The following CDKL5 variants were observed in gnomAD, a reference collection of about 807,000 sequenced individuals.
CDKL5 encodes the protein cyclin-dependent kinase-like 5.
In CDKL5, 8 loss-of-function variants were observed where a neutral mutation model predicts 61.7. The ratio of observed to expected loss-of-function variants is 0.13; its 90% CI spans 0.08 to 0.23. The LOEUF is 0.23. Among genes scored for constraint, CDKL5 ranks in the 10% least tolerant of loss-of-function variants. The pLI is 1.00. For missense variants in CDKL5, 440 were observed against 734.5 expected, an observed-to-expected ratio of 0.60 and a Z score of 4.63; for synonymous variants, 275 against 272.3, an observed-to-expected ratio of 1.01 and a Z score of -0.10.
At chrX:18,536,438 T>G (rs1433395094) in intron 3 of CDKL5, among the ~76,000 whole-genome samples, 5 of 62,555 alleles carry the variant, frequency 8.0e-5, no homozygotes, top group African/African-American at 2.6e-4. Context: ...ACAGGTTTTT[T>G]TTTTTTTTTT....
chrX:18,563,254 G>A (rs1924861488), intron 3 of CDKL5, among the ~76,000 whole-genome samples: 1 of 111,791 alleles, frequency 8.9e-6, no homozygotes. Context: ...CATTTGAAAA[G>A]GAGCAGGGTA....
chrX:18,499,368 T>G (rs1275218404), intron 1 of CDKL5, among the ~76,000 whole-genome samples: 1 of 105,128 alleles, frequency 9.5e-6, no homozygotes, highest in African/African-American at 3.5e-5. Context: ...TTTGTTTTTT[T>G]TTTTTTTTTT....
intron 21 of CDKL5, chrX:18,653,374 C>T: frequency 5.0e-6 from 6 of 1,193,348 alleles, no homozygotes; most frequent in Non-Finnish European, 6.8e-6. Flanking sequence ...AGCCAGAGTG[C>T]ACCTGCTAGC....
chrX:18,562,389 G>C (rs903848098), intron 3 of CDKL5, among the ~76,000 whole-genome samples: 2 of 111,633 alleles, frequency 1.8e-5, no homozygotes. Flanking sequence ...CATGAAAAAT[G>C]GTGGTTTTAA....
At chrX:18,597,584 C>A (rs1602281958) in intron 10 of CDKL5, among the ~76,000 whole-genome samples, 1 of 101,774 alleles carries the variant, frequency 9.8e-6, no homozygotes, top group Admixed American at 1.1e-4. Context: ...TTTGCTGCTA[C>A]AGAATGATTT....
chrX:18,461,319 A>G (rs1183590178), intron 1 of CDKL5, among the ~76,000 whole-genome samples: 1 of 112,359 alleles, frequency 8.9e-6, no homozygotes, highest in East Asian at 2.8e-4. Context: ...AAAAGATTAA[A>G]GTTTGCCATT....
intron 1 of CDKL5, among the ~76,000 whole-genome samples, chrX:18,429,121 G>A (rs1931427442): frequency 9.0e-6 from 1 of 111,182 alleles, no homozygotes; most frequent in Non-Finnish European, 1.9e-5. Context: ...CAATTCTGTT[G>A]GTGGGCGTGA....
At chrX:18,601,199 C>G (rs899532283) in intron 11 of CDKL5, among the ~76,000 whole-genome samples, 1 of 111,766 alleles carries the variant, frequency 8.9e-6, no homozygotes, top group Admixed American at 9.5e-5. Flanking sequence ...TCTTGTGTTA[C>G]TTAGCCCCTG....
chrX:18,439,045 G>GCCCCCCCC (rs367844172), intron 1 of CDKL5, among the ~76,000 whole-genome samples: 194 of 37,417 alleles, frequency 5.2e-3, no homozygotes, highest in South Asian at 9.8e-3. Context: ...GCCCCTTTTT[G>GCCCCCCCC]CCCCCCCCCC....
intron 3 of CDKL5, among the ~76,000 whole-genome samples, chrX:18,554,226 C>G (rs1905327322): frequency 9.3e-6 from 1 of 107,251 alleles, no homozygotes; most frequent in Admixed American, 1.0e-4. Flanking sequence ...TCCCCCCATC[C>G]CATGACAGGC....
chrX:18,511,823 G>T (rs1057386758), intron 3 of CDKL5, among the ~76,000 whole-genome samples: 2 of 112,301 alleles, frequency 1.8e-5, no homozygotes, highest in African/African-American at 3.2e-5. Flanking sequence ...TTTAATTTAT[G>T]TTCAAGTACT....
At chrX:18,514,750 T>C (rs1442426706) in intron 3 of CDKL5, among the ~76,000 whole-genome samples, 1 of 110,603 alleles carries the variant, frequency 9.0e-6, no homozygotes, top group Non-Finnish European at 1.9e-5. Flanking sequence ...ACCTTTACCC[T>C]GCAGATATGC....
rs1384728371 is a variant in CDKL5, at chrX:18,441,626, GT to G, written c.-163+15938del. ...CACTGTTACATTGGGCTGGATTTGAGTTTTTTTGTGTTGTTATGGTTAACCT... is the reference window on the plus strand; with the variant it reads ...CACTGTTACATTGGGCTGGATTTGAGTTTTTTGTGTTGTTATGGTTAACCT... On this transcript the variant is annotated intron_variant, in intron 1 of 17. Transcript: ENST00000623535. Among the ~76,000 whole-genome samples, 3 of 111,074 alleles carry G rather than the reference GT, an allele frequency of 2.7e-5. No individual in the cohort carries two copies. In the Admixed American group the frequency reaches 2.9e-4, roughly 11 times the overall value.
chrX:18,490,878 G>C (rs1198864391), intron 1 of CDKL5, among the ~76,000 whole-genome samples: 1 of 111,908 alleles, frequency 8.9e-6, no homozygotes, highest in Admixed American at 9.5e-5. Flanking sequence ...ATTTTAAATA[G>C]GACACAAATA....
chrX:18,473,882 T>G (rs1921201790), intron 1 of CDKL5, among the ~76,000 whole-genome samples: 1 of 107,327 alleles, frequency 9.3e-6, no homozygotes, highest in African/African-American at 3.4e-5. Flanking sequence ...AAGTAGGCCA[T>G]CAGGGGAACT....
intron 21 of CDKL5, among the ~76,000 whole-genome samples, chrX:18,652,977 A>G (rs1388586053): frequency 8.9e-6 from 1 of 112,849 alleles, no homozygotes; most frequent in Non-Finnish European, 1.9e-5. Context: ...TGCAGATCTA[A>G]AGAAACACAG....
At chrX:18,483,581 T>C (rs1227157250) in intron 1 of CDKL5, among the ~76,000 whole-genome samples, 1 of 109,604 alleles carries the variant, frequency 9.1e-6, no homozygotes, top group Admixed American at 9.8e-5. Context: ...CACACCTGGC[T>C]AATTTTTTTT....
At chrX:18,473,173 G>A (rs972108878) in intron 1 of CDKL5, among the ~76,000 whole-genome samples, 7 of 109,559 alleles carry the variant, frequency 6.4e-5, no homozygotes, top group African/African-American at 2.3e-4. Context: ...TGGACAGGCT[G>A]ATCTCGAGCT....
chrX:18,457,484 C>A (rs1469017301), intron 1 of CDKL5: 4 of 111,737 alleles, frequency 3.6e-5, no homozygotes, highest in Non-Finnish European at 7.5e-5. Context: ...TTTCCACAGG[C>A]TGCTCATCTT....
Sources: gnomAD v4.1 joint callset for allele counts (sites outside exome capture counted in the v4.1 genomes callset) on GRCh38, gnomAD v4.1.1 for gene constraint, MANE v1.5 for transcripts, NCBI Gene and HGNC (gene_info 2026-07-23, HGNC 2026-07-21) for gene names.